Variants in IFITM10 observed in about 807,000 individuals in gnomAD.
IFITM10 encodes interferon induced transmembrane protein 10, also known as interferon-induced transmembrane protein 10.
IFITM10 carries 17 observed loss-of-function variants against 19.0 expected under a neutral mutation model. That is an observed-to-expected ratio of 0.90 (90% CI 0.61 to 1.34). IFITM10 has a LOEUF of 1.34. Among genes scored for constraint, IFITM10 ranks in the 40% most tolerant of loss-of-function variants. The pLI is 0.00. For missense variants in IFITM10, 306 were observed against 319.8 expected (o/e 0.96, Z 0.33); for synonymous variants, 148 against 147.2 (o/e 1.01, Z -0.04).
chr11:1,741,509 C>G (rs867573), intron 2 of IFITM10, among the ~76,000 whole-genome samples: 50,261 of 151,204 alleles, frequency 0.33, 10,022 homozygotes, highest in African/African-American at 0.56. Context: ...TCGAAGCAAG[C>G]AAGGAAGGAA....
chr11:1,749,841 C>G (rs1176577615), intron 1 of IFITM10, among the ~76,000 whole-genome samples: 1 of 152,154 alleles, frequency 6.6e-6, no homozygotes, highest in Admixed American at 6.5e-5. Context: ...TGAGCCCACT[C>G]CTGCCCATCG....
rs1051042423 is a variant in IFITM10 at position 1,734,190 on chromosome 11, C to T, written c.*1090G>A. On this transcript the variant is annotated 3_prime_UTR_variant, in exon 3 of 3. Transcript: ENST00000340134. ...TCCTAGTGCACCCTCATCAGCTTGT[C>T]TTCAGGGCTGACCGGCACCCCCATG... The T allele has an allele frequency of 6.6e-5, 10 of 152,392 alleles. No homozygotes were observed. Among genetic ancestry groups the T allele is most frequent in the Non-Finnish European group, 4.4e-5 (3 of 68,150 alleles). 9.4% of individuals were successfully genotyped at this position (152,392 alleles called of 1,614,324 possible). A position where few individuals can be genotyped will look rare whatever the true frequency, so the allele number is the denominator to read the frequency against.
intron 1 of IFITM10, among the ~76,000 whole-genome samples, chr11:1,749,481 C>T (rs994739324): frequency 9.9e-5 from 15 of 151,156 alleles, no homozygotes; most frequent in African/African-American, 3.7e-4. Context: ...TGGACGCTCC[C>T]GGAACCCTCC....
intron 2 of IFITM10, among the ~76,000 whole-genome samples, chr11:1,737,276 T>G (rs573878100): frequency 6.6e-6 from 1 of 152,392 alleles, no homozygotes; most frequent in South Asian, 2.1e-4. Flanking sequence ...TCTAACTGAT[T>G]TTGTATCCAG....
chr11:1,745,269 G>A (rs1481227194), intron 2 of IFITM10: 1 of 152,452 alleles, frequency 6.6e-6, no homozygotes, highest in Non-Finnish European at 1.5e-5. Context: ...GCGGGAGGAG[G>A]GACAGCTTCC....
At chr11:1,749,148 C>T (rs1051879685) in intron 1 of IFITM10, 2 of 969,942 alleles carry the variant, frequency 2.1e-6, no homozygotes, top group South Asian at 4.3e-5. Flanking sequence ...GGGGAGCGCG[C>T]GGGGCTCGGC....
chr11:1,735,302 C>T lies in IFITM10; in HGVS notation c.665G>A (p.Arg222Gln), dbSNP rs951744902. Residue 222 changes from arginine to glutamine, a missense_variant, in exon 3 of 3, where the codon CGG (arginine) becomes CAG (glutamine). Coordinates refer to ENST00000340134, the MANE Select transcript of IFITM10 (RefSeq NM_001170820.4). ...SCIILVFIFL[R>Q]YPLTDY ...GCCTTAGTAGTCGGTGAGGGGGTAC[C>T]GCAGGAAGATGAAGACGAGGATGAT... 1.7e-5 allele frequency: 27 copies of T among 1,551,514 alleles called. No homozygotes were observed. Among genetic ancestry groups the T allele is most frequent in the African/African-American group, 2.7e-5 (2 of 73,024 alleles).
intron 2 of IFITM10, among the ~76,000 whole-genome samples, chr11:1,742,145 A>G (rs765395176): frequency 4.6e-5 from 7 of 152,226 alleles, no homozygotes; most frequent in Non-Finnish European, 8.8e-5. Context: ...CAAGGAAGGA[A>G]AGATGGGATG....
At chr11:1,746,417 ACT>A (rs1845650974) in intron 2 of IFITM10, 3 of 396,302 alleles carry the variant, frequency 7.6e-6, no homozygotes, top group Non-Finnish European at 1.3e-5. Context: ...ACATAGTTAC[ACT>A]CACAGTACAT....
At chr11:1,749,809 C>T (rs1225569322) in intron 1 of IFITM10, among the ~76,000 whole-genome samples, 1 of 152,082 alleles carries the variant, frequency 6.6e-6, no homozygotes, top group Non-Finnish European at 1.5e-5. Flanking sequence ...TTTCAGCACC[C>T]CCTACTCTGT....
chr11:1,746,820 G>C (rs373073640), intron 2 of IFITM10: 54 of 398,710 alleles, frequency 1.4e-4, no homozygotes, highest in African/African-American at 7.4e-4. Flanking sequence ...GTGATGATGA[G>C]GCTAAACGTG....
rs1292707731 is a variant in IFITM10, at chr11:1,747,852, C to T, written c.352G>A (p.Ala118Thr). Residue 118 changes from alanine to threonine, a missense_variant, in exon 2 of 3, where the codon GCT (alanine) becomes ACT (threonine). Transcript: ENST00000340134. ...TTGCAGGCAGGGGGCGCGCCGGCAG[C>T]CCGCACGCTGTCGGTCTTGCTGCTC... ...SKSSKTDSVR[A>T]AGAPPACKHL... The T allele has an allele frequency of 1.3e-6, 2 of 1,542,468 alleles. No homozygotes were observed. Among genetic ancestry groups the T allele is most frequent in the Non-Finnish European group, 1.8e-6 (2 of 1,141,718 alleles).
intron 2 of IFITM10, among the ~76,000 whole-genome samples, chr11:1,742,802 G>A (rs1200353409): frequency 6.6e-6 from 1 of 152,150 alleles, no homozygotes; most frequent in Non-Finnish European, 1.5e-5. Context: ...AAGGTTGGGT[G>A]GCTATTTGGA....
In IFITM10 at chr11:1,750,474, CCT is replaced by C; in HGVS notation, c.-34_-33del. 1 of 1,550,324 alleles carries C rather than the reference CCT, an allele frequency of 6.5e-7. No homozygotes were observed. Among genetic ancestry groups the C allele is most frequent in the Middle Eastern group, 1.7e-4 (1 of 5,988 alleles). On this transcript the variant is annotated 5_prime_UTR_variant, in exon 1 of 3. Transcript: ENST00000340134. ...CCAAGCCCCATCCTCCCATGAAACTCCTTTCTCCTCTGCCACTCTCAACTGGC... is the reference window on the plus strand; with the variant it reads ...CCAAGCCCCATCCTCCCATGAAACTCTTCTCCTCTGCCACTCTCAACTGGC...
At chr11:1,746,654 G>C (rs1361540183) in intron 2 of IFITM10, 2 of 398,642 alleles carry the variant, frequency 5.0e-6, no homozygotes, top group Admixed American at 8.8e-5. Flanking sequence ...CTCAAGGATG[G>C]AGCAGAGGCG....
At chr11:1,736,722 G>T (rs1481669139) in intron 2 of IFITM10, among the ~76,000 whole-genome samples, 2 of 151,834 alleles carry the variant, frequency 1.3e-5, no homozygotes, top group Admixed American at 1.3e-4. Flanking sequence ...GGAGTGGAGT[G>T]GGTGGAATGG....
intron 2 of IFITM10, among the ~76,000 whole-genome samples, chr11:1,744,070 A>T (rs1282392254): frequency 1.3e-5 from 2 of 152,102 alleles, no homozygotes; most frequent in Non-Finnish European, 2.9e-5. Context: ...CCCCTCACCA[A>T]GCTTCAAGGC....
rs2133639417 is a variant in IFITM10, at chr11:1,735,489, T to A, written c.538-60A>T. 4 of 1,495,218 alleles carry A rather than the reference T, an allele frequency of 2.7e-6. No homozygotes were observed. The South Asian group carries it at 5.0e-5, about 19-fold the overall frequency. The allele number at this position is 1,495,218 out of a possible 1,614,324, so 92.6% of individuals were successfully genotyped here. On this transcript the variant is annotated intron_variant, in intron 2 of 2. Coordinates refer to ENST00000340134, the MANE Select transcript of IFITM10 (RefSeq NM_001170820.4). ...AGCCAGGGAGCAGGGCCTTGGAGCATCCAGGAGCCCAGCAGAGCCGGTGCC... is the reference window on the plus strand; with the variant it reads ...AGCCAGGGAGCAGGGCCTTGGAGCAACCAGGAGCCCAGCAGAGCCGGTGCC...
At chr11:1,749,090 G>A (rs550294306) in intron 1 of IFITM10, 5 of 1,143,600 alleles carry the variant, frequency 4.4e-6, no homozygotes, top group Admixed American at 6.8e-5. Flanking sequence ...CCCGCGGGCC[G>A]CTGTCTGTCC....
Sources: gnomAD v4.1 joint callset for allele counts (sites outside exome capture counted in the v4.1 genomes callset) on GRCh38, gnomAD v4.1.1 for gene constraint, MANE v1.5 for transcripts, NCBI Gene and HGNC (gene_info 2026-07-23, HGNC 2026-07-21) for gene names.